The following PLCB1 variants were observed in gnomAD, a reference collection of about 807,000 sequenced individuals.
PLCB1 encodes phospholipase C beta 1, also known as 1-phosphatidylinositol 4,5-bisphosphate phosphodiesterase beta-1.
PLCB1 carries 46 observed loss-of-function variants against 161.8 expected under a neutral mutation model. The observed-to-expected ratio is 0.28, with a 90% CI of 0.22 to 0.36. The LOEUF is 0.36. Ranked by LOEUF, PLCB1 falls within the 10% of genes least tolerant of loss-of-function variation. PLCB1 has a pLI of 1.00. For synonymous variants in PLCB1, 517 were observed against 503.7 expected, an observed-to-expected ratio of 1.03 and a Z score of -0.35; for missense variants, 1,016 against 1,472.5, an observed-to-expected ratio of 0.69 and a Z score of 5.07.
chr20:8,516,664 CATATATATATAT>C (rs57237224), intron 3 of PLCB1, among the ~76,000 whole-genome samples: 10,472 of 72,058 alleles, frequency 0.15, 570 homozygotes, highest in Admixed American at 0.16. Flanking sequence ...AATATAACAT[CATATATATATAT>C]ATATATATAT....
chr20:8,541,562 GAGAAAGAA>G (rs11467115), intron 3 of PLCB1, among the ~76,000 whole-genome samples: 9,205 of 114,418 alleles, frequency 0.08, 480 homozygotes, highest in East Asian at 0.25. Flanking sequence ...AAGGAAGAAA[GAGAAAGAA>G]AGAAAGAAAG....
chr20:8,700,609 T>C (rs1990679547), intron 11 of PLCB1, among the ~76,000 whole-genome samples: 1 of 152,216 alleles, frequency 6.6e-6, no homozygotes, highest in South Asian at 2.1e-4. Context: ...GAATGCTGCT[T>C]TCTCTCTCTG....
At chr20:8,613,065 TG>T (rs562283103) in intron 3 of PLCB1, among the ~76,000 whole-genome samples, 408 of 152,316 alleles carry the variant, frequency 2.7e-3, no homozygotes, top group Middle Eastern at 0.01. Context: ...CTTGGAACTG[TG>T]GATATTGGCT....
chr20:8,879,824 A>G (rs1987907971), intron 31 of PLCB1, among the ~76,000 whole-genome samples: 1 of 152,120 alleles, frequency 6.6e-6, no homozygotes, highest in African/African-American at 2.4e-5. Context: ...GATTGACTTC[A>G]CCCTGGCATT....
chr20:8,560,578 A>C (rs1986110161), intron 3 of PLCB1, among the ~76,000 whole-genome samples: 1 of 152,052 alleles, frequency 6.6e-6, no homozygotes. Context: ...CTAATTTGAA[A>C]GTTTAACCAG....
intron 2 of PLCB1, among the ~76,000 whole-genome samples, chr20:8,240,304 A>G (rs73897369): frequency 4.0e-5 from 6 of 149,846 alleles, no homozygotes; most frequent in African/African-American, 1.2e-4. Flanking sequence ...ACACACACAC[A>G]CGCACACACA....
At chr20:8,767,633 C>T (rs771665321) in intron 26 of PLCB1, among the ~76,000 whole-genome samples, 3 of 152,106 alleles carry the variant, frequency 2.0e-5, no homozygotes, top group Non-Finnish European at 2.9e-5. Context: ...TCTCAGAACC[C>T]CACATGTGGA....
intron 7 of PLCB1, chr20:8,652,730 A>G (rs961346063): frequency 6.6e-6 from 1 of 152,098 alleles, no homozygotes; most frequent in Non-Finnish European, 1.5e-5. Context: ...TTTTTAAAAC[A>G]TGATATTACT....
At chr20:8,636,827 A>G (rs1988777033) in intron 4 of PLCB1, among the ~76,000 whole-genome samples, 1 of 152,224 alleles carries the variant, frequency 6.6e-6, no homozygotes, top group Non-Finnish European at 1.5e-5. Flanking sequence ...GGTTACTGTT[A>G]GTACAAGCCC....
chr20:8,716,474 C>A, intron 13 of PLCB1, 126 bp downstream of exon 13: 4 of 741,718 alleles, frequency 5.4e-6, no homozygotes, highest in South Asian at 1.7e-5. Context: ...GTGATGAAAT[C>A]TTTGACAAGG....
rs190873842 is a variant in PLCB1 at position 8,826,612 on chromosome 20, T to C, written c.3423+36351T>C. On this transcript the variant is annotated intron_variant, in intron 31 of 31. Coordinates refer to ENST00000338037, the MANE Select transcript of PLCB1 (RefSeq NM_015192.4). ...AGCACTAGGATTGTAAGGGCAAGTGTTTATTTTCTCACCATTAACTTAAAC... is the reference window on the plus strand; with the variant it reads ...AGCACTAGGATTGTAAGGGCAAGTGCTTATTTTCTCACCATTAACTTAAAC... 8.9e-3 allele frequency among the ~76,000 whole-genome samples: 1,353 copies of C among 152,292 alleles called. 8 individuals are homozygous for C. Among genetic ancestry groups the C allele is most frequent in the Middle Eastern group, 0.027 (8 of 294 alleles).
chr20:8,210,187 T>C (rs1001311459), intron 2 of PLCB1, among the ~76,000 whole-genome samples: 1 of 152,160 alleles, frequency 6.6e-6, no homozygotes, highest in African/African-American at 2.4e-5. Flanking sequence ...TTCATGTGTC[T>C]GGGGTGAAAA....
intron 3 of PLCB1, among the ~76,000 whole-genome samples, chr20:8,599,271 AG>A (rs1987451340): frequency 6.8e-6 from 1 of 146,684 alleles, no homozygotes; most frequent in African/African-American, 2.5e-5. Flanking sequence ...CGCTTCCTTC[AG>A]GAGCTCTTTT....
At chr20:8,369,772 G>A (rs983747127) in intron 2 of PLCB1, among the ~76,000 whole-genome samples, 1 of 152,222 alleles carries the variant, frequency 6.6e-6, no homozygotes, top group African/African-American at 2.4e-5. Flanking sequence ...GTCAGAGTGA[G>A]CAAGAGCAGA....
chr20:8,684,095 A>G (rs1175853695), intron 9 of PLCB1, among the ~76,000 whole-genome samples: 2 of 152,034 alleles, frequency 1.3e-5, no homozygotes, highest in Admixed American at 6.5e-5. Flanking sequence ...CGTGTTAGCC[A>G]GGATGGTCTC....
At chr20:8,418,721 T>C (rs1432642133) in intron 3 of PLCB1, among the ~76,000 whole-genome samples, 1 of 152,240 alleles carries the variant, frequency 6.6e-6, no homozygotes, top group African/African-American at 2.4e-5. Flanking sequence ...CATGAATTTA[T>C]GGACTTATTT....
intron 31 of PLCB1, among the ~76,000 whole-genome samples, chr20:8,878,343 T>A (rs1024412903): frequency 6.6e-6 from 1 of 152,198 alleles, no homozygotes; most frequent in Non-Finnish European, 1.5e-5. Flanking sequence ...TGAATGGTAG[T>A]AAATGGACGC....
intron 31 of PLCB1, chr20:8,802,309 T>C (rs1600339865): frequency 3.3e-5 from 19 of 577,648 alleles, no homozygotes. Flanking sequence ...CTGCTAAAGT[T>C]CCCAGCCACA....
intron 3 of PLCB1, among the ~76,000 whole-genome samples, chr20:8,593,312 A>ACCT (rs2123114803): frequency 6.6e-6 from 1 of 152,180 alleles, no homozygotes; most frequent in South Asian, 2.1e-4. Flanking sequence ...AGCCAGGACT[A>ACCT]CCTGCACAAG....
Sources: gnomAD v4.1 joint callset for allele counts (sites outside exome capture counted in the v4.1 genomes callset) on GRCh38, gnomAD v4.1.1 for gene constraint, MANE v1.5 for transcripts, NCBI Gene and HGNC (gene_info 2026-07-23, HGNC 2026-07-21) for gene names.